DAP: variants seen among roughly 807,000 people sequenced by gnomAD.
DAP encodes the protein death-associated protein 1.
DAP carries 8 observed loss-of-function variants against 13.8 expected under a neutral mutation model. The ratio of observed to expected loss-of-function variants is 0.58; its 90% CI spans 0.34 to 1.05. The LOEUF (loss-of-function observed/expected upper bound fraction) is 1.05, where lower values mean the gene tolerates loss of function less well. Ranked by LOEUF, DAP falls within the 50% of genes least tolerant of loss-of-function variation. The probability of loss-of-function intolerance (pLI) is 0.03; values close to 1 mark genes in which losing one functional copy is unlikely to be tolerated. For missense variants in DAP, 106 were observed against 133.2 expected (o/e 0.80, Z 1.01); for synonymous variants, 47 against 47.5 (o/e 0.99, Z 0.04).
intron 2 of DAP, among the ~76,000 whole-genome samples, chr5:10,721,215 C>T (rs772655692): frequency 2.8e-4 from 43 of 152,154 alleles, no homozygotes; most frequent in Non-Finnish European, 5.7e-4. Context: ...CCAGGATTCA[C>T]GGGTCCAGGA....
chr5:10,745,070 C>T (rs114268295), intron 2 of DAP, among the ~76,000 whole-genome samples: 279 of 152,210 alleles, frequency 1.8e-3, no homozygotes, highest in African/African-American at 6.4e-3. Context: ...AGAACAGAGC[C>T]GAGCTCATTG....
intron 2 of DAP, among the ~76,000 whole-genome samples, chr5:10,726,957 C>A (rs1368589557): frequency 6.6e-6 from 1 of 152,200 alleles, no homozygotes; most frequent in Non-Finnish European, 1.5e-5. Context: ...TTAGGGAACG[C>A]TGACCTTGTA....
chr5:10,703,526 T>C (rs561831159), intron 2 of DAP, among the ~76,000 whole-genome samples: 1 of 152,202 alleles, frequency 6.6e-6, no homozygotes, highest in Non-Finnish European at 1.5e-5. Flanking sequence ...GAGGAAGTAG[T>C]CCAGTGAAGT....
At chr5:10,755,966 A>T (rs1191462072) in intron 1 of DAP, among the ~76,000 whole-genome samples, 3 of 152,190 alleles carry the variant, frequency 2.0e-5, no homozygotes, top group African/African-American at 7.2e-5. Context: ...TGGACAACAT[A>T]GTAAAACCTT....
At chr5:10,731,492 T>C (rs1010983696) in intron 2 of DAP, among the ~76,000 whole-genome samples, 1 of 152,178 alleles carries the variant, frequency 6.6e-6, no homozygotes, top group Non-Finnish European at 1.5e-5. Context: ...GGTCCTAACA[T>C]CTGGCTCAGC....
intron 2 of DAP, among the ~76,000 whole-genome samples, chr5:10,714,622 G>A (rs911505173): frequency 6.6e-6 from 1 of 152,146 alleles, no homozygotes; most frequent in African/African-American, 2.4e-5. Flanking sequence ...GATACATGGT[G>A]ATATGGGGAT....
intron 2 of DAP, among the ~76,000 whole-genome samples, chr5:10,741,873 G>A (rs1002261096): frequency 1.3e-5 from 2 of 152,124 alleles, no homozygotes; most frequent in Non-Finnish European, 2.9e-5. Context: ...CCTTCTTCCC[G>A]TTTTCATACT....
At chr5:10,736,503 C>T (rs572137248) in intron 2 of DAP, among the ~76,000 whole-genome samples, 3 of 152,202 alleles carry the variant, frequency 2.0e-5, no homozygotes, top group East Asian at 3.9e-4. Context: ...GGGCTTCACA[C>T]GCAGCGGATG....
chr5:10,682,215 T>C (rs1249443079), intron 3 of DAP, among the ~76,000 whole-genome samples: 1 of 148,688 alleles, frequency 6.7e-6, no homozygotes, highest in Non-Finnish European at 1.5e-5. Flanking sequence ...GCAGGAAGCA[T>C]GGGGTTTGTA....
rs537265609 is a variant in DAP, at chr5:10,679,501, T to C, written c.*1555A>G. On this transcript the variant is annotated 3_prime_UTR_variant, in exon 4 of 4. Coordinates refer to ENST00000230895, the MANE Select transcript of DAP (RefSeq NM_004394.3). ...GACCTGGTGTTGCTGGAGCGCGGCA[T>C]CCCCTCCTGGGTGCTGCTCCGAAAG... The C allele has an allele frequency of 6.1e-4, 93 of 152,484 alleles. No individual in the cohort carries two copies. Among genetic ancestry groups the C allele is most frequent in the Middle Eastern group, 3.4e-3 (1 of 294 alleles). The allele number at this position is 152,484 out of a possible 1,614,324, so 9.4% of individuals were successfully genotyped here. A position where few individuals can be genotyped will look rare whatever the true frequency, so the allele number is the denominator to read the frequency against.
chr5:10,729,766 A>T (rs1739388966), intron 2 of DAP, among the ~76,000 whole-genome samples: 2 of 152,088 alleles, frequency 1.3e-5, no homozygotes, highest in Admixed American at 1.3e-4. Flanking sequence ...CAGAGATGCT[A>T]CTCCAGTTCC....
At chr5:10,695,100 G>A (rs1349600335) in intron 2 of DAP, among the ~76,000 whole-genome samples, 2 of 152,210 alleles carry the variant, frequency 1.3e-5, no homozygotes, top group Non-Finnish European at 1.5e-5. Flanking sequence ...TAATTAGCAT[G>A]GCTGGTGAGC....
chr5:10,723,501 T>C (rs1291208850), intron 2 of DAP, among the ~76,000 whole-genome samples: 1 of 152,152 alleles, frequency 6.6e-6, no homozygotes, highest in Non-Finnish European at 1.5e-5. Context: ...GCAAAACTAC[T>C]CTCGTGAAGC....
At chr5:10,723,734 C>T (rs962097728) in intron 2 of DAP, among the ~76,000 whole-genome samples, 1 of 152,212 alleles carries the variant, frequency 6.6e-6, no homozygotes, top group African/African-American at 2.4e-5. Context: ...ATGTGTGAAA[C>T]CAAACTCCTA....
chr5:10,729,865 G>A lies in DAP; in HGVS notation c.152+18310C>T, dbSNP rs139194071. ...ATCCAGGAACTGCCAGAGCCTGCCTGGCGAGCTCCAGCATGCACTTGTGGG... is the reference window on the plus strand; with the variant it reads ...ATCCAGGAACTGCCAGAGCCTGCCTAGCGAGCTCCAGCATGCACTTGTGGG... On this transcript the variant is annotated intron_variant, in intron 2 of 3. Coordinates refer to ENST00000230895, the MANE Select transcript of DAP (RefSeq NM_004394.3). 3.4e-3 allele frequency among the ~76,000 whole-genome samples: 520 copies of A among 152,318 alleles called. 3 individuals are homozygous for A. Among genetic ancestry groups the A allele is most frequent in the African/African-American group, 0.012 (505 of 41,566 alleles).
intron 3 of DAP, among the ~76,000 whole-genome samples, chr5:10,681,526 A>AC (rs1383909841): frequency 6.8e-6 from 1 of 147,910 alleles, no homozygotes; most frequent in Non-Finnish European, 1.5e-5. Flanking sequence ...TGGGTGAGGA[A>AC]CCCCCAGGCC....
At chr5:10,742,022 A>T (rs1212221418) in intron 2 of DAP, among the ~76,000 whole-genome samples, 1 of 152,206 alleles carries the variant, frequency 6.6e-6, no homozygotes, top group Non-Finnish European at 1.5e-5. Context: ...GTTTTTCCTC[A>T]AACTTTTACC....
At chr5:10,692,566 C>T (rs1232693314) in intron 2 of DAP, among the ~76,000 whole-genome samples, 3 of 152,172 alleles carry the variant, frequency 2.0e-5, no homozygotes, top group Non-Finnish European at 4.4e-5. Context: ...CTACCACAAG[C>T]CCCCAGAACA....
rs919130066 is a variant in DAP, at chr5:10,683,509, G to A, written c.195+20C>T. The A allele has an allele frequency of 3.7e-6, 6 of 1,613,380 alleles. No homozygotes were observed. The highest frequency in any genetic ancestry group is 2.7e-5 in the African/African-American group (2 of 74,990). On this transcript the variant is annotated intron_variant, in intron 3 of 3. Coordinates refer to ENST00000230895, the MANE Select transcript of DAP (RefSeq NM_004394.3). ...GCCATGCAAAAGCCTCAAACCCACC[G>A]CAGACACTCCCAGACTTACCCGGGC...
Sources: gnomAD v4.1 joint callset for allele counts (sites outside exome capture counted in the v4.1 genomes callset) on GRCh38, gnomAD v4.1.1 for gene constraint, MANE v1.5 for transcripts, NCBI Gene and HGNC (gene_info 2026-07-23, HGNC 2026-07-21) for gene names.